UTP20: variants seen among roughly 807,000 people sequenced by gnomAD.
UTP20 encodes UTP20 small subunit processome component.
A neutral mutation model predicts 329.5 loss-of-function variants in UTP20; 164 were observed. The observed-to-expected ratio is 0.50, with a 90% CI of 0.44 to 0.57. The LOEUF (loss-of-function observed/expected upper bound fraction) is 0.57, where lower values mean the gene tolerates loss of function less well. Among genes scored for constraint, UTP20 ranks in the 20% least tolerant of loss-of-function variants. The pLI is 0.00. For missense variants in UTP20, 3,055 were observed against 3,284.2 expected, an observed-to-expected ratio of 0.93 and a Z score of 1.71; for synonymous variants, 1,151 against 1,159.3, an observed-to-expected ratio of 0.99 and a Z score of 0.14.
intron 32 of UTP20, 28 bp from the exon 33 acceptor site, chr12:101,342,418 A>C: frequency 6.4e-7 from 1 of 1,571,320 alleles, no homozygotes; most frequent in Non-Finnish European, 8.6e-7. Flanking sequence ...TTACTGAAAT[A>C]TGATTTCTCT....
intron 39 of UTP20, 125 bp from the exon 40 acceptor site, chr12:101,352,922 G>A (rs1195052241): frequency 4.4e-6 from 2 of 455,062 alleles, no homozygotes; most frequent in Admixed American, 8.2e-5. Flanking sequence ...GCTAATACTT[G>A]TTAAAATTAA....
chr12:101,312,229 A>G lies in UTP20; in HGVS notation c.2505A>G (p.Val835=). The stretch of plus-strand genomic sequence containing the variant: ...CTCTGACCAAATTCCCAGAAAGAGT[A>G]GAGCCACGGTCCAGGGAGCTTTCCC... ...WRALTKFPER[V]EPRSRELSPL... is the part of the protein sequence containing the mutation. Residue 835 remains valine, a synonymous_variant, in exon 21 of 62, where the codon GTA becomes GTG. Coordinates refer to ENST00000261637, the MANE Select transcript of UTP20 (RefSeq NM_014503.3). 6.2e-7 allele frequency: 1 copy of G among 1,614,256 alleles called. No homozygotes were observed. The highest frequency in any genetic ancestry group is 8.5e-7 in the Non-Finnish European group (1 of 1,180,040).
In UTP20 at chr12:101,285,737, T is replaced by A; in HGVS notation, c.194-12T>A. Reference sequence around the variant, plus strand: ...TGATAGAAAAGAACATATTTTTTTTTCCCCCACTCAGGAAAATTTTACAAA... The same window carrying A: ...TGATAGAAAAGAACATATTTTTTTTACCCCCACTCAGGAAAATTTTACAAA... On this transcript the variant is annotated splice_polypyrimidine_tract_variant and intron_variant, in intron 3 of 61. Coordinates refer to ENST00000261637, the MANE Select transcript of UTP20 (RefSeq NM_014503.3). 1 of 1,613,048 alleles carries A rather than the reference T, an allele frequency of 6.2e-7. No homozygotes were observed. Among genetic ancestry groups the A allele is most frequent in the Non-Finnish European group, 8.5e-7 (1 of 1,179,604 alleles).
chr12:101,336,967 C>T (rs115370602), intron 29 of UTP20, among the ~76,000 whole-genome samples: 3,251 of 152,274 alleles, frequency 0.021, 127 homozygotes, highest in African/African-American at 0.075. Flanking sequence ...GAAAGCAGTT[C>T]CCTTCCCTTT....
In UTP20 at chr12:101,344,662, C is replaced by A; in HGVS notation, c.4517C>A (p.Ala1506Asp). 1 of 1,563,316 alleles carries A rather than the reference C, an allele frequency of 6.4e-7. No homozygotes were observed. Among genetic ancestry groups the A allele is most frequent in the Non-Finnish European group, 8.8e-7 (1 of 1,133,726 alleles). Reference sequence around the variant, plus strand: ...ATGAGTATCATCAAAAAGCTAGCTGCCTTGAATGTCACAGAGAAAGACTAT... The same window carrying A: ...ATGAGTATCATCAAAAAGCTAGCTGACTTGAATGTCACAGAGAAAGACTAT... The part of the protein sequence containing the change: ...CLMSIIKKLA[A>D]LNVTEKDYRE... The change falls in exon 36 of 62, where the codon GCC becomes GAC. Residue 1506 changes from alanine to aspartate, a missense_variant. By Grantham distance (126) the Ala-to-Asp change is moderately radical. This residue lies in a region of UTP20 where 2,445 missense variants were observed against 2,575.5 expected (regional missense o/e 0.95). Transcript: ENST00000261637.
chr12:101,281,286 C>T, intron 2 of UTP20, 90 bp downstream of exon 2: 3 of 1,127,242 alleles, frequency 2.7e-6, no homozygotes, highest in East Asian at 2.4e-5. Context: ...TCAAGGTATT[C>T]CTTTTTGGAC....
At chr12:101,351,625 A>G (rs1031191087) in intron 38 of UTP20, among the ~76,000 whole-genome samples, 2 of 145,778 alleles carry the variant, frequency 1.4e-5, no homozygotes, top group African/African-American at 5.1e-5. Context: ...GGTTTGCTGT[A>G]CCTACTAACC....
At chr12:101,320,566 GAGAA>G (rs1181672467) in intron 23 of UTP20, among the ~76,000 whole-genome samples, 4 of 151,672 alleles carry the variant, frequency 2.6e-5, no homozygotes, top group South Asian at 2.1e-4. Context: ...AAAAAAAAAA[GAGAA>G]AGAGAGAGAG....
chr12:101,293,787 T>A (rs1872250858), intron 11 of UTP20, among the ~76,000 whole-genome samples: 1 of 152,218 alleles, frequency 6.6e-6, no homozygotes, highest in Admixed American at 6.5e-5. Context: ...CTTTTGTACC[T>A]GTCCAAGATC....
chr12:101,340,762 T>C (rs1869096341), intron 32 of UTP20, 152 bp downstream of exon 32: 3 of 585,818 alleles, frequency 5.1e-6, no homozygotes, highest in Non-Finnish European at 8.9e-6. Flanking sequence ...AAATTAGAAA[T>C]AGAGGGAAAA....
intron 14 of UTP20, among the ~76,000 whole-genome samples, chr12:101,300,325 C>T (rs1439543482): frequency 6.6e-6 from 1 of 152,076 alleles, no homozygotes; most frequent in Non-Finnish European, 1.5e-5. Context: ...TTTTTGAGCC[C>T]CATACCAGGT....
In UTP20 at chr12:101,386,267, TGAC is replaced by T. The variant is rs1416538421; in HGVS notation, c.*148_*150del. 8.3e-6 allele frequency: 6 copies of T among 719,904 alleles called. No homozygotes were observed. Among genetic ancestry groups the T allele is most frequent in the Non-Finnish European group, 1.3e-5 (6 of 449,456 alleles). 44.6% of individuals were successfully genotyped at this position (719,904 alleles called of 1,614,324 possible). A position where few individuals can be genotyped will look rare whatever the true frequency, so the allele number is the denominator to read the frequency against. On this transcript the variant is annotated 3_prime_UTR_variant, in exon 62 of 62. Transcript: ENST00000261637. Reference sequence around the variant, plus strand: ...CTCTGTCACCCAAGGTGGAGTGCAGTGACGACATCACAGCTCACTGCAGCCTCA... The same window carrying T: ...CTCTGTCACCCAAGGTGGAGTGCAGTGACATCACAGCTCACTGCAGCCTCA...
At chr12:101,314,724 G>A (rs1008990178) in intron 21 of UTP20, among the ~76,000 whole-genome samples, 2 of 152,066 alleles carry the variant, frequency 1.3e-5, no homozygotes, top group African/African-American at 4.8e-5. Flanking sequence ...GACAGTTTTT[G>A]TAGTAAAAAA....
chr12:101,323,376 T>C (rs1868443362), intron 25 of UTP20, among the ~76,000 whole-genome samples: 1 of 152,222 alleles, frequency 6.6e-6, no homozygotes, highest in Non-Finnish European at 1.5e-5. Context: ...TTGGTGTATA[T>C]TACCAAATTG....
At position 101,292,052 on chromosome 12, in the gene UTP20, T is replaced by A. The variant is rs1478861399; in HGVS notation, c.1121T>A (p.Leu374Gln). Reference protein sequence around the residue: ...TLLDVISALILGENVSLPETL... With the variant: ...TLLDVISALIQGENVSLPETL... The stretch of plus-strand genomic sequence containing the variant: ...TTGGATGTAATTTCTGCTTTGATCC[T>A]GGGTGAAAATGTTTCCTTGCCGGAG... The change falls in exon 10 of 62, where the codon CTG becomes CAG. Residue 374 changes from leucine to glutamine, a missense_variant. Physicochemically the swap from Leu to Gln is moderately radical, Grantham distance 113. This residue lies in a region of UTP20 where 2,445 missense variants were observed against 2,575.5 expected (regional missense o/e 0.95). Coordinates refer to ENST00000261637, the MANE Select transcript of UTP20 (RefSeq NM_014503.3). 1 of 1,614,156 alleles carries A rather than the reference T, an allele frequency of 6.2e-7. No homozygotes were observed. Among genetic ancestry groups the A allele is most frequent in the Admixed American group, 1.7e-5 (1 of 60,020 alleles).
intron 24 of UTP20, among the ~76,000 whole-genome samples, chr12:101,321,231 A>G (rs1406751841): frequency 1.3e-5 from 2 of 152,128 alleles, no homozygotes; most frequent in Admixed American, 1.3e-4. Flanking sequence ...AATCAAAGTC[A>G]CTCTAAGAAC....
chr12:101,318,354 G>A (rs993190749), intron 22 of UTP20, among the ~76,000 whole-genome samples: 1 of 152,116 alleles, frequency 6.6e-6, no homozygotes, highest in Admixed American at 6.5e-5. Context: ...ATGCCCATTT[G>A]TTGCGTATTT....
chr12:101,332,721 A>G (rs1868800204), intron 27 of UTP20, among the ~76,000 whole-genome samples: 1 of 152,172 alleles, frequency 6.6e-6, no homozygotes, highest in African/African-American at 2.4e-5. Context: ...CAGTCACATC[A>G]TCCTCTTGCT....
intron 11 of UTP20, among the ~76,000 whole-genome samples, chr12:101,294,746 T>C (rs1444898368): frequency 2.6e-5 from 4 of 151,972 alleles, no homozygotes; most frequent in African/African-American, 7.3e-5. Flanking sequence ...TTTTACCATG[T>C]TGGCCAGGCT....
Sources: allele counts gnomAD v4.1 joint callset (sites outside exome capture counted in the v4.1 genomes callset), GRCh38; gene constraint gnomAD v4.1.1; regional missense constraint gnomAD v4.1.1; transcripts MANE v1.5; gene names NCBI Gene and HGNC (gene_info 2026-07-23, HGNC 2026-07-21).